The following NAPA variants were observed in gnomAD, a reference collection of about 807,000 sequenced individuals.
NAPA encodes NSF attachment protein alpha.
NAPA carries 18 observed loss-of-function variants against 48.0 expected under a neutral mutation model. That is an observed-to-expected ratio of 0.38 (90% CI 0.26 to 0.56). NAPA has a LOEUF of 0.56. Ranked by LOEUF, NAPA falls within the 20% of genes least tolerant of loss-of-function variation. NAPA has a pLI of 0.77. For missense variants in NAPA, 315 were observed against 385.0 expected, an observed-to-expected ratio of 0.82 and a Z score of 1.52; for synonymous variants, 152 against 149.9, an observed-to-expected ratio of 1.01 and a Z score of -0.10.
At chr19:47,486,282 G>T (rs973544221), downstream of NAPA, among the ~76,000 whole-genome samples, 2 of 152,052 alleles carry the variant, frequency 1.3e-5, no homozygotes, top group African/African-American at 4.8e-5. Flanking sequence ...TTGAACCCGG[G>T]AGGCAGAGGT....
chr19:47,512,328 C>T (rs1223356979), intron 1 of NAPA, among the ~76,000 whole-genome samples: 1 of 152,134 alleles, frequency 6.6e-6, no homozygotes, highest in African/African-American at 2.4e-5. Context: ...CCTTGGGGCC[C>T]AGCTCACTCC....
intron 1 of NAPA, among the ~76,000 whole-genome samples, chr19:47,514,176 T>C (rs1203237796): frequency 6.6e-6 from 1 of 151,922 alleles, no homozygotes; most frequent in Non-Finnish European, 1.5e-5. Context: ...GTCCTTAAAC[T>C]AGTCACTGCT....
In NAPA at chr19:47,493,538, T is replaced by G; in HGVS notation, c.343-45A>C. The G allele has an allele frequency of 6.4e-7, 1 of 1,561,842 alleles. No individual in the cohort carries two copies. Among genetic ancestry groups the G allele is most frequent in the Non-Finnish European group, 8.8e-7 (1 of 1,134,656 alleles). On this transcript the variant is annotated intron_variant, in intron 4 of 10. Transcript: ENST00000263354. The surrounding 1 kb of genome is among the most constrained non-coding windows in gnomAD (Gnocchi z 6.4). ...GGGCTGCCTGCGACTCATGACCTCC[T>G]GCGTGCCTGCCTGCTGACCTATGAC...
rs76969685 is a variant in NAPA, at chr19:47,509,163, T to C, written c.99-5661A>G. Among the ~76,000 whole-genome samples, 112 of 152,094 alleles carry C rather than the reference T, an allele frequency of 7.4e-4. 1 individual carries two copies. Among genetic ancestry groups the C allele is most frequent in the East Asian group, 4.8e-3 (25 of 5,182 alleles). On this transcript the variant is annotated intron_variant, in intron 1 of 10. Transcript: ENST00000263354. Reference sequence around the variant, plus strand: ...AGGATTAGAAATGACACATAGTCAATACTTGGCACAGAGCGCAGAATGGAA... The same window carrying C: ...AGGATTAGAAATGACACATAGTCAACACTTGGCACAGAGCGCAGAATGGAA...
At chr19:47,505,854 T>G (rs1253913030) in intron 1 of NAPA, among the ~76,000 whole-genome samples, 3 of 152,136 alleles carry the variant, frequency 2.0e-5, no homozygotes, top group Non-Finnish European at 4.4e-5. Context: ...GTGCTGATGC[T>G]GTCCCCCACC....
intron 4 of NAPA, among the ~76,000 whole-genome samples, chr19:47,494,735 C>CAAAAA (rs11462456): frequency 1.5e-5 from 1 of 67,212 alleles, no homozygotes; most frequent in Non-Finnish European, 2.7e-5. Context: ...AACTCTGTCT[C>CAAAAA]AAAAAAAAAA....
At chr19:47,492,627 C>T (rs1968302878) in intron 7 of NAPA, 4 of 457,470 alleles carry the variant, frequency 8.7e-6, no homozygotes, top group Non-Finnish European at 1.7e-5. Flanking sequence ...GGGGTGCCCA[C>T]GGCCACCCTG....
chr19:47,489,497 A>C lies in NAPA; in HGVS notation c.786+214T>G, dbSNP rs558345681. ...AAGGCCGAGCCTCCTGACCTCCCCA[A>C]CCTCAGTGCCACCATCTATAAAATG... On this transcript the variant is annotated intron_variant, in intron 10 of 10. Coordinates refer to ENST00000263354, the MANE Select transcript of NAPA (RefSeq NM_003827.4). The C allele has an allele frequency of 5.3e-4, 325 of 611,032 alleles. No individual in the cohort carries two copies. The South Asian group carries it at 5.7e-3, about 11-fold the overall frequency. The allele number at this position is 611,032 out of a possible 1,614,324, so 37.9% of individuals were successfully genotyped here. A position where few individuals can be genotyped will look rare whatever the true frequency, so the allele number is the denominator to read the frequency against.
At chr19:47,490,893 AAGAGGGTCCTC>A in intron 8 of NAPA, 37 bp from the exon 9 acceptor site, 1 of 1,593,334 alleles carries the variant, frequency 6.3e-7, no homozygotes, top group East Asian at 2.2e-5. Flanking sequence ...AGTTAGTAAC[AAGAGGGTCCTC>A]AGAGCTACTG....
intron 10 of NAPA, 179 bp downstream of exon 10, chr19:47,489,532 C>T (rs977386998): frequency 2.9e-6 from 2 of 692,982 alleles, no homozygotes; most frequent in African/African-American, 1.8e-5. Context: ...GGGGAGAACA[C>T]TCCCTGCGCC....
At chr19:47,507,325 G>A (rs940286434) in intron 1 of NAPA, among the ~76,000 whole-genome samples, 4 of 152,188 alleles carry the variant, frequency 2.6e-5, no homozygotes, top group African/African-American at 9.7e-5. Flanking sequence ...GCTGGGCACT[G>A]CCAGGAATAC....
intron 2 of NAPA, among the ~76,000 whole-genome samples, chr19:47,501,040 G>C (rs1416757528): frequency 6.6e-6 from 1 of 152,162 alleles, no homozygotes; most frequent in Admixed American, 6.5e-5. Flanking sequence ...CAGGTATATG[G>C]AAAGAGAGCC....
In NAPA at chr19:47,506,701, C is replaced by T. The variant is rs1968699975; in HGVS notation, c.99-3199G>A. ...CTGCCCGGGCTGAAACTCTGTGATCCCAGGCTAAGCACAGCCAACCCTGCA... is the reference window on the plus strand; with the variant it reads ...CTGCCCGGGCTGAAACTCTGTGATCTCAGGCTAAGCACAGCCAACCCTGCA... On this transcript the variant is annotated intron_variant, in intron 1 of 10. Coordinates refer to ENST00000263354, the MANE Select transcript of NAPA (RefSeq NM_003827.4). The surrounding 1 kb of genome is among the most constrained non-coding windows in gnomAD (Gnocchi z 4.0). 6.6e-6 allele frequency: 1 copy of T among 152,272 alleles called. No individual in the cohort carries two copies. Among genetic ancestry groups the T allele is most frequent in the Admixed American group, 6.5e-5 (1 of 15,280 alleles). The allele number at this position is 152,272 out of a possible 1,614,324, so 9.4% of individuals were successfully genotyped here.
chr19:47,487,075 T>C (rs1172962942), downstream of NAPA, among the ~76,000 whole-genome samples: 2 of 151,956 alleles, frequency 1.3e-5, no homozygotes, highest in East Asian at 3.9e-4. Flanking sequence ...CATTGTGGAG[T>C]GTGGTGGAGG....
chr19:47,493,451 C>G lies in NAPA; in HGVS notation c.385G>C (p.Glu129Gln), dbSNP rs762670461. The part of the protein sequence containing the change: ...IAAKHHISIA[E>Q]IYETELVDIE... ...TCCACCAACTCTGTCTCATAGATCT[C>G]AGCAATGGAGATGTGGTGCTTGGCC... Residue 129 changes from glutamate (E) to glutamine (Q), a missense_variant, in exon 5 of 11, where the codon GAG (glutamate) becomes CAG (glutamine). Glu to Gln is a conservative substitution (Grantham distance 29). Around this residue, in one of 3 missense-constraint regions of NAPA, gnomAD observed 173 missense variants for 213.5 expected, o/e 0.81. Coordinates refer to ENST00000263354, the MANE Select transcript of NAPA (RefSeq NM_003827.4). The surrounding 1 kb of genome is among the most constrained non-coding windows in gnomAD (Gnocchi z 6.4). 5.6e-6 allele frequency: 9 copies of G among 1,614,070 alleles called. No homozygotes were observed. In the East Asian group the frequency reaches 2.0e-4, roughly 36 times the overall value.
downstream of NAPA, among the ~76,000 whole-genome samples, chr19:47,486,920 G>A (rs528721317): frequency 1.3e-5 from 2 of 152,272 alleles, no homozygotes; most frequent in Non-Finnish European, 2.9e-5. Context: ...CCCCTCCTCT[G>A]TGCAATTACT....
At chr19:47,497,768 T>C (rs1044521749) in intron 3 of NAPA, among the ~76,000 whole-genome samples, 2 of 152,176 alleles carry the variant, frequency 1.3e-5, no homozygotes, top group African/African-American at 2.4e-5. Flanking sequence ...CTTAGTAAAA[T>C]GGGGGCAAAT....
At chr19:47,509,325 AAAATAAAATAAAATAAAATAAAAT>A (rs1599919301) in intron 1 of NAPA, among the ~76,000 whole-genome samples, 2 of 146,354 alleles carry the variant, frequency 1.4e-5, no homozygotes, top group African/African-American at 2.5e-5. Context: ...AAAATAAAAT[AAAATAAAATAAAATAAAATAAAAT>A]AAATAAAATA....
chr19:47,498,978 C>T (rs992288475), intron 3 of NAPA, among the ~76,000 whole-genome samples: 10 of 152,228 alleles, frequency 6.6e-5, no homozygotes, highest in Admixed American at 3.3e-4. Context: ...GCCAAATTCA[C>T]GCCCCCAGCC....
Sources: gnomAD v4.1 joint callset for allele counts (sites outside exome capture counted in the v4.1 genomes callset) on GRCh38, gnomAD v4.1.1 for gene constraint, gnomAD v4.1.1 regional missense constraint, Gnocchi (gnomAD v3.1) non-coding constraint, MANE v1.5 for transcripts, NCBI Gene and HGNC (gene_info 2026-07-23, HGNC 2026-07-21) for gene names.